The following SOX6 variants were observed in gnomAD, a reference collection of about 807,000 sequenced individuals.
SOX6 encodes the protein SRY-box transcription factor 6.
Under a neutral mutation model 97.8 loss-of-function variants are expected in SOX6, and 11 were observed. The ratio of observed to expected loss-of-function variants is 0.11; its 90% CI spans 0.07 to 0.19. SOX6 has a LOEUF of 0.19. SOX6 is among the 10% of genes least tolerant of loss of function. The pLI is 1.00. For missense variants in SOX6, 810 were observed against 1,039.5 expected (o/e 0.78, Z 3.04); for synonymous variants, 360 against 371.4 (o/e 0.97, Z 0.35).
chr11:16,115,510 A>G (rs988215108), intron 6 of SOX6, among the ~76,000 whole-genome samples: 2 of 152,184 alleles, frequency 1.3e-5, no homozygotes, highest in African/African-American at 2.4e-5. Context: ...GGGGTCTGAC[A>G]GTGTACATTT....
At chr11:16,431,669 T>G (rs955318607) in intron 1 of SOX6, among the ~76,000 whole-genome samples, 1 of 152,142 alleles carries the variant, frequency 6.6e-6, no homozygotes, top group African/African-American at 2.4e-5. Context: ...AATGTACCTT[T>G]TAACAACTAT....
chr11:16,327,393 G>A (rs1395602173), intron 2 of SOX6, among the ~76,000 whole-genome samples: 2 of 151,774 alleles, frequency 1.3e-5, no homozygotes, highest in Non-Finnish European at 2.9e-5. Context: ...GATAACCACT[G>A]GCACCTTTTA....
At chr11:16,483,793 C>A (rs1037219457) in intron 4 of SOX6, among the ~76,000 whole-genome samples, 3 of 152,210 alleles carry the variant, frequency 2.0e-5, no homozygotes, top group Non-Finnish European at 4.4e-5. Flanking sequence ...AAGGCACAGA[C>A]CCTCCAGTTC....
intron 4 of SOX6, among the ~76,000 whole-genome samples, chr11:16,198,913 G>C (rs950193561): frequency 1.3e-5 from 2 of 152,086 alleles, no homozygotes; most frequent in Admixed American, 1.3e-4. Flanking sequence ...TGGTGGAGAG[G>C]AAGAACAAAT....
At chr11:16,053,019 G>C (rs981379390) in intron 10 of SOX6, among the ~76,000 whole-genome samples, 2 of 152,116 alleles carry the variant, frequency 1.3e-5, no homozygotes, top group African/African-American at 2.4e-5. Context: ...GCAGCCTTTT[G>C]CAGATCTTCA....
At chr11:16,512,510 C>T (rs956314140) in intron 4 of SOX6, among the ~76,000 whole-genome samples, 1 of 152,172 alleles carries the variant, frequency 6.6e-6, no homozygotes, top group African/African-American at 2.4e-5. Flanking sequence ...TCAAGAAGCA[C>T]ACACATCTCA....
chr11:16,672,986 A>T (rs1268949644), intron 3 of SOX6, among the ~76,000 whole-genome samples: 2 of 152,272 alleles, frequency 1.3e-5, no homozygotes, highest in East Asian at 1.9e-4. Flanking sequence ...AACTATCCTA[A>T]ATATATACAC....
chr11:15,994,666 G>A (rs148398373), intron 13 of SOX6, among the ~76,000 whole-genome samples: 249 of 152,082 alleles, frequency 1.6e-3, no homozygotes, highest in Non-Finnish European at 2.1e-3. Flanking sequence ...TAGAATAGAG[G>A]AAAAATAAAG....
chr11:16,245,988 G>A (rs866819383), intron 3 of SOX6, among the ~76,000 whole-genome samples: 2 of 150,832 alleles, frequency 1.3e-5, no homozygotes, highest in Admixed American at 6.6e-5. Flanking sequence ...TTGTTCCTTT[G>A]TTCCTCTTTT....
intron 13 of SOX6, among the ~76,000 whole-genome samples, chr11:15,991,198 A>G (rs1010486558): frequency 2.0e-5 from 3 of 152,198 alleles, no homozygotes; most frequent in Non-Finnish European, 2.9e-5. Flanking sequence ...CATAACTAAT[A>G]TGATACCTTT....
At chr11:16,128,187 T>C (rs926844724) in intron 6 of SOX6, among the ~76,000 whole-genome samples, 6 of 152,188 alleles carry the variant, frequency 3.9e-5, no homozygotes, top group Non-Finnish European at 5.9e-5. Flanking sequence ...CAACATATGT[T>C]CAAGAGAAAA....
In SOX6 at chr11:16,083,333, T is replaced by A. The variant is rs373732909; in HGVS notation, c.1101+12663A>T. Among the ~76,000 whole-genome samples, 3 of 152,220 alleles carry A rather than the reference T, an allele frequency of 2.0e-5. No individual in the cohort carries two copies. In the East Asian group the frequency reaches 5.8e-4, roughly 29 times the overall value. On this transcript the variant is annotated intron_variant, in intron 9 of 15. Transcript: ENST00000683767. ...TTGAGGAATCAATCTATGAATGAAC[T>A]AATTAAATAATTACTCTTTTCATCG... is the stretch of plus-strand genomic sequence containing the variant.
At chr11:16,732,234 A>G (rs971820785) in intron 2 of SOX6, among the ~76,000 whole-genome samples, 1 of 152,122 alleles carries the variant, frequency 6.6e-6, no homozygotes, top group African/African-American at 2.4e-5. Context: ...ATTAGAAAAA[A>G]CTACTTCGTT....
At chr11:16,077,130 C>T (rs1201706332) in intron 9 of SOX6, among the ~76,000 whole-genome samples, 3 of 152,152 alleles carry the variant, frequency 2.0e-5, no homozygotes, top group African/African-American at 7.2e-5. Context: ...GGAAATCCAC[C>T]ACTATGATCA....
intron 7 of SOX6, among the ~76,000 whole-genome samples, chr11:16,102,273 T>A (rs1197143753): frequency 6.6e-6 from 1 of 151,778 alleles, no homozygotes; most frequent in Non-Finnish European, 1.5e-5. Flanking sequence ...ACTCAACCCC[T>A]TTCACAATAG....
intron 6 of SOX6, among the ~76,000 whole-genome samples, chr11:16,123,719 T>G (rs901969568): frequency 1.3e-5 from 2 of 152,038 alleles, no homozygotes; most frequent in Non-Finnish European, 2.9e-5. Context: ...CTCCCTTTAA[T>G]GAACAAGGTG....
chr11:16,254,544 A>G (rs554342323), intron 3 of SOX6, among the ~76,000 whole-genome samples: 24 of 152,230 alleles, frequency 1.6e-4, no homozygotes, highest in Middle Eastern at 3.4e-3. Flanking sequence ...GTGATGCAGT[A>G]TAGTTATTTG....
At chr11:16,042,026 A>G (rs749171012) in intron 12 of SOX6, among the ~76,000 whole-genome samples, 1 of 152,202 alleles carries the variant, frequency 6.6e-6, no homozygotes, top group Non-Finnish European at 1.5e-5. Flanking sequence ...TTAATTGAGC[A>G]TCTTCTGAGC....
chr11:16,625,301 C>T (rs1848608470), intron 3 of SOX6, among the ~76,000 whole-genome samples: 1 of 141,864 alleles, frequency 7.0e-6, no homozygotes, highest in African/African-American at 2.5e-5. Flanking sequence ...CATTAAAGTC[C>T]CTAGCCATCT....
Sources: allele counts gnomAD v4.1 joint callset (sites outside exome capture counted in the v4.1 genomes callset), GRCh38; gene constraint gnomAD v4.1.1; transcripts MANE v1.5; gene names NCBI Gene and HGNC (gene_info 2026-07-23, HGNC 2026-07-21).